Variants in IL1RAP observed in about 807,000 individuals in gnomAD.
The protein encoded by IL1RAP is interleukin 1 receptor accessory protein.
In IL1RAP, 35 loss-of-function variants were observed where a neutral mutation model predicts 60.7. The observed-to-expected ratio is 0.58, with a 90% CI of 0.44 to 0.76. The LOEUF (loss-of-function observed/expected upper bound fraction) is 0.76. IL1RAP is among the 30% of genes least tolerant of loss of function. The pLI is 0.00. For missense variants in IL1RAP, 572 were observed against 693.9 expected, an observed-to-expected ratio of 0.82 and a Z score of 1.97; for synonymous variants, 268 against 250.9, an observed-to-expected ratio of 1.07 and a Z score of -0.64.
At chr3:190,568,518 G>T (rs1055778141) in intron 3 of IL1RAP, among the ~76,000 whole-genome samples, 46 of 152,168 alleles carry the variant, frequency 3.0e-4, no homozygotes, top group African/African-American at 1.1e-3. Flanking sequence ...CCAATGATTG[G>T]GAGTGAATTA....
downstream of IL1RAP, chr3:190,656,193 T>C (rs1285216122): frequency 6.5e-7 from 1 of 1,537,224 alleles, no homozygotes; most frequent in African/African-American, 1.4e-5. Context: ...GAAGTCTGAG[T>C]GCCAGTTCTG....
intron 1 of IL1RAP, among the ~76,000 whole-genome samples, chr3:190,546,425 A>G (rs2108576369): frequency 6.6e-6 from 1 of 152,298 alleles, no homozygotes; most frequent in South Asian, 2.1e-4. Context: ...TCTCTACCAC[A>G]TTAAAATGCA....
intron 3 of IL1RAP, among the ~76,000 whole-genome samples, chr3:190,586,208 A>G (rs935737214): frequency 1.3e-5 from 2 of 151,942 alleles, no homozygotes; most frequent in Non-Finnish European, 1.5e-5. Context: ...CATTTGCTTC[A>G]TTTTGCTTTG....
In IL1RAP at chr3:190,629,836, C is replaced by G. The variant is rs1006596185; in HGVS notation, c.1051+338C>G. On this transcript the variant is annotated intron_variant, in intron 9 of 11. Transcript: ENST00000447382. ...CCAAAGATAGAAAAAACTGGTAGAGCCACATATTGTTGGTGAATTATTAAG... is the reference window on the plus strand; with the variant it reads ...CCAAAGATAGAAAAAACTGGTAGAGGCACATATTGTTGGTGAATTATTAAG... The G allele has an allele frequency of 6.0e-6, 6 of 1,007,668 alleles. No homozygotes were observed. The African/African-American group carries it at 6.9e-5, about 12-fold the overall frequency. 62.4% of individuals were successfully genotyped at this position (1,007,668 alleles called of 1,614,324 possible).
At chr3:190,597,037 A>G (rs549315468) in intron 3 of IL1RAP, among the ~76,000 whole-genome samples, 1 of 152,340 alleles carries the variant, frequency 6.6e-6, no homozygotes, top group East Asian at 1.9e-4. Context: ...GAATGCTAAT[A>G]CATATATTTT....
intron 3 of IL1RAP, among the ~76,000 whole-genome samples, chr3:190,588,606 C>T (rs919347340): frequency 2.6e-5 from 4 of 152,166 alleles, no homozygotes; most frequent in South Asian, 4.1e-4. Flanking sequence ...CCATGCAGTT[C>T]CTAAAAGCCC....
intron 1 of IL1RAP, among the ~76,000 whole-genome samples, chr3:190,516,590 ATAT>A (rs1182537365): frequency 6.6e-6 from 1 of 152,228 alleles, no homozygotes; most frequent in African/African-American, 2.4e-5. Flanking sequence ...CATGGCAAGA[ATAT>A]TAATAGAGGA....
chr3:190,604,241 A>C lies in IL1RAP; in HGVS notation c.178A>C (p.Thr60Pro). 6.2e-7 allele frequency: 1 copy of C among 1,614,068 alleles called. No individual in the cohort carries two copies. The highest frequency in any genetic ancestry group is 8.5e-7 in the Non-Finnish European group (1 of 1,180,006). The change falls in exon 4 of 12, where the codon ACA (threonine) becomes CCA (proline). Residue 60 changes from threonine to proline, a missense_variant. Physicochemically the swap from Thr to Pro is conservative, Grantham distance 38. Transcript: ENST00000447382. ...FEHFLKFNYS[T>P]AHSAGLTLIW... ...ACACTTCTTGAAATTCAACTACAGC[A>C]CAGCCCATTCAGCTGGCCTTACTCT...
At chr3:190,593,677 T>A (rs1024787313) in intron 3 of IL1RAP, among the ~76,000 whole-genome samples, 1 of 152,086 alleles carries the variant, frequency 6.6e-6, no homozygotes, top group Non-Finnish European at 1.5e-5. Context: ...GTGAGACGTA[T>A]TCATATTATG....
intron 3 of IL1RAP, among the ~76,000 whole-genome samples, chr3:190,597,501 C>A (rs1009970572): frequency 1.3e-5 from 2 of 152,142 alleles, no homozygotes; most frequent in African/African-American, 4.8e-5. Context: ...TGTGATGCTA[C>A]CTTTTCAACA....
chr3:190,579,404 A>G (rs1422646981), intron 3 of IL1RAP, among the ~76,000 whole-genome samples: 1 of 152,136 alleles, frequency 6.6e-6, no homozygotes, highest in Non-Finnish European at 1.5e-5. Flanking sequence ...AGCATTGTAA[A>G]ATATATTATT....
Position 190,648,408 on chromosome 3 carries a change from C to T in IL1RAP, c.1416C>T (p.Tyr472=), listed in dbSNP as rs149199407. The change falls in exon 12 of 12, where the codon TAC becomes TAT. Residue 472 remains tyrosine (Y), a synonymous_variant. Coordinates refer to ENST00000447382, the MANE Select transcript of IL1RAP (RefSeq NM_002182.4). ...TCCTGGTTGTTCTAAGCCCCAACTACGTGCTCCAGGGAACCCAAGCCCTCC... is the reference window on the plus strand; with the variant it reads ...TCCTGGTTGTTCTAAGCCCCAACTATGTGCTCCAGGGAACCCAAGCCCTCC... ...RRLLVVLSPN[Y]VLQGTQALLE... is the part of the protein sequence containing the mutation. 928 of 1,613,836 alleles carry T rather than the reference C, an allele frequency of 5.8e-4. No individual in the cohort carries two copies. The highest frequency in any genetic ancestry group is 7.4e-4 in the Non-Finnish European group (876 of 1,179,900).
intron 1 of IL1RAP, 176 bp from the exon 2 acceptor site, chr3:190,555,954 A>ATCTT (rs1725387741): frequency 6.6e-6 from 1 of 151,724 alleles, no homozygotes; most frequent in Admixed American, 6.6e-5. Flanking sequence ...CTATCTATCT[A>ATCTT]TCTATCTATC....
intron 3 of IL1RAP, among the ~76,000 whole-genome samples, chr3:190,600,538 G>A (rs1729765634): frequency 6.6e-6 from 1 of 152,152 alleles, no homozygotes; most frequent in African/African-American, 2.4e-5. Context: ...TGTGTGGTAT[G>A]CCATCCATCA....
intron 1 of IL1RAP, among the ~76,000 whole-genome samples, chr3:190,530,848 A>G (rs1020625646): frequency 6.6e-6 from 1 of 152,204 alleles, no homozygotes; most frequent in African/African-American, 2.4e-5. Flanking sequence ...CATGTTCATT[A>G]TCTCATTTGA....
chr3:190,625,741 A>G (rs1050566047), intron 7 of IL1RAP, among the ~76,000 whole-genome samples: 1 of 152,216 alleles, frequency 6.6e-6, no homozygotes, highest in Non-Finnish European at 1.5e-5. Flanking sequence ...TTTGTGAAAC[A>G]CAGAGAACAT....
chr3:190,641,610 A>G (rs977571919), intron 9 of IL1RAP, among the ~76,000 whole-genome samples: 1 of 152,230 alleles, frequency 6.6e-6, no homozygotes, highest in African/African-American at 2.4e-5. Flanking sequence ...GGGCAGTAGT[A>G]AAATGAATGA....
At chr3:190,565,052 T>C (rs772468363) in intron 3 of IL1RAP, among the ~76,000 whole-genome samples, 15 of 152,104 alleles carry the variant, frequency 9.9e-5, no homozygotes, top group Non-Finnish European at 2.2e-4. Flanking sequence ...TTTGGACTAA[T>C]CAAATTCTTA....
At chr3:190,605,403 C>G (rs535448207) in intron 4 of IL1RAP, among the ~76,000 whole-genome samples, 1 of 152,094 alleles carries the variant, frequency 6.6e-6, no homozygotes, top group East Asian at 1.9e-4. Flanking sequence ...CACAGAATAG[C>G]CCTTTTCAGG....
Sources: allele counts gnomAD v4.1 joint callset (sites outside exome capture counted in the v4.1 genomes callset), GRCh38; gene constraint gnomAD v4.1.1; transcripts MANE v1.5; gene names NCBI Gene and HGNC (gene_info 2026-07-23, HGNC 2026-07-21).